The following GALNTL6 variants were observed in gnomAD, a reference collection of about 807,000 sequenced individuals.
GALNTL6 encodes the protein polypeptide N-acetylgalactosaminyltransferase-like 6.
In GALNTL6, 46 loss-of-function variants were observed where a neutral mutation model predicts 73.7. The observed-to-expected ratio is 0.62, with a 90% CI of 0.49 to 0.80. GALNTL6 has a LOEUF of 0.80. Among genes scored for constraint, GALNTL6 ranks in the 30% least tolerant of loss-of-function variants. The probability of loss-of-function intolerance (pLI) is 0.00; values close to 1 mark genes in which losing one functional copy is unlikely to be tolerated. For synonymous variants in GALNTL6, 259 were observed against 263.7 expected (o/e 0.98, Z 0.17); for missense variants, 604 against 755.0 (o/e 0.80, Z 2.34).
chr4:172,588,250 A>G (rs1277849530), intron 5 of GALNTL6, among the ~76,000 whole-genome samples: 2 of 152,134 alleles, frequency 1.3e-5, no homozygotes, highest in African/African-American at 4.8e-5. Context: ...CACTTTTACA[A>G]TTATTTTATT....
chr4:172,803,868 T>C (rs2110969206), intron 5 of GALNTL6, among the ~76,000 whole-genome samples: 2 of 152,328 alleles, frequency 1.3e-5, no homozygotes, highest in Admixed American at 1.3e-4. Context: ...GTTTCAATAA[T>C]TCTGTTCCTT....
intron 5 of GALNTL6, among the ~76,000 whole-genome samples, chr4:172,595,829 A>C (rs10006667): frequency 3.9e-4 from 60 of 152,160 alleles, no homozygotes; most frequent in African/African-American, 1.4e-3. Context: ...CTTGGGATCC[A>C]AAAAAGCCCT....
At chr4:172,277,443 T>A (rs1201127254) in intron 3 of GALNTL6, among the ~76,000 whole-genome samples, 2 of 151,976 alleles carry the variant, frequency 1.3e-5, no homozygotes, top group Non-Finnish European at 2.9e-5. Flanking sequence ...TTTTACTTAA[T>A]TTTTTCCTGA....
intron 5 of GALNTL6, among the ~76,000 whole-genome samples, chr4:172,478,177 T>C (rs338019): frequency 1 from 152,155 of 152,344 alleles, 75,983 homozygotes; most frequent in Non-Finnish European, 1. Context: ...TCCTAAAATT[T>C]ATATGGGACC....
chr4:172,677,732 A>G (rs907403927), intron 5 of GALNTL6, among the ~76,000 whole-genome samples: 10 of 152,088 alleles, frequency 6.6e-5, no homozygotes, highest in Non-Finnish European at 2.9e-5. Flanking sequence ...AGATCAGCCT[A>G]GATAGCAGAG....
chr4:172,755,976 A>G (rs896584175), intron 5 of GALNTL6, among the ~76,000 whole-genome samples: 1 of 152,224 alleles, frequency 6.6e-6, no homozygotes, highest in African/African-American at 2.4e-5. Flanking sequence ...TTTGGTACCA[A>G]CGTGAAAGCA....
intron 2 of GALNTL6, among the ~76,000 whole-genome samples, chr4:172,018,920 C>A: frequency 6.6e-6 from 1 of 152,064 alleles, no homozygotes; most frequent in African/African-American, 2.4e-5. Context: ...AAGGCTCTTC[C>A]TGCTGCTACT....
chr4:172,121,992 CT>C (rs1733163426), intron 2 of GALNTL6, among the ~76,000 whole-genome samples: 1 of 150,774 alleles, frequency 6.6e-6, no homozygotes, highest in Non-Finnish European at 1.5e-5. Context: ...TATTTTCTTA[CT>C]TTTTTTGTAT....
chr4:172,558,704 T>C (rs964478508), intron 5 of GALNTL6, among the ~76,000 whole-genome samples: 3 of 152,190 alleles, frequency 2.0e-5, no homozygotes, highest in African/African-American at 7.2e-5. Flanking sequence ...AGGGAGTATA[T>C]GCTTGTCAAA....
chr4:172,383,792 A>G (rs1315860912), intron 5 of GALNTL6, among the ~76,000 whole-genome samples: 1 of 152,058 alleles, frequency 6.6e-6, no homozygotes, highest in East Asian at 1.9e-4. Context: ...GTTCCCTTCT[A>G]TTCTTATTTT....
rs111938656 is a variant in GALNTL6 at position 172,742,823 on chromosome 4, T to C, written c.554-66538T>C. Among the ~76,000 whole-genome samples, 1,344 of 152,146 alleles carry C rather than the reference T, an allele frequency of 8.8e-3. 23 individuals are homozygous for C. The highest frequency in any genetic ancestry group is 0.031 in the African/African-American group (1,292 of 41,546). ...AAGCCTTAATACTATAGCAGTCCAC[T>C]TCTAGTTGGTGCTAATGTATTATGC... On this transcript the variant is annotated intron_variant, in intron 5 of 12. Coordinates refer to ENST00000506823, the MANE Select transcript of GALNTL6 (RefSeq NM_001034845.3).
intron 4 of GALNTL6, 39 bp downstream of exon 4, chr4:172,311,791 TG>T (rs746279656): frequency 9.5e-5 from 135 of 1,424,264 alleles, no homozygotes; most frequent in South Asian, 3.6e-4. Context: ...TGGGTTTTTT[TG>T]GTTTTTTTTG....
intron 2 of GALNTL6, among the ~76,000 whole-genome samples, chr4:172,207,359 G>A (rs1360950642): frequency 6.6e-6 from 1 of 152,136 alleles, no homozygotes; most frequent in Non-Finnish European, 1.5e-5. Flanking sequence ...ACAAAATGGG[G>A]ATGCTTTTGG....
chr4:172,241,933 C>T (rs1737447500), intron 3 of GALNTL6, among the ~76,000 whole-genome samples: 1 of 152,120 alleles, frequency 6.6e-6, no homozygotes, highest in Non-Finnish European at 1.5e-5. Flanking sequence ...TTTTTAAAAT[C>T]TTCATTCAGA....
chr4:172,351,620 T>G (rs539990575), intron 5 of GALNTL6, among the ~76,000 whole-genome samples: 1 of 152,166 alleles, frequency 6.6e-6, no homozygotes, highest in Non-Finnish European at 1.5e-5. Flanking sequence ...AAGCTATAAT[T>G]AACTTATACT....
At chr4:172,925,441 C>T (rs1748013223) in intron 8 of GALNTL6, among the ~76,000 whole-genome samples, 2 of 152,160 alleles carry the variant, frequency 1.3e-5, no homozygotes, top group Non-Finnish European at 2.9e-5. Flanking sequence ...GGTTTACTCA[C>T]ATGAGTATGT....
chr4:172,811,215 C>T (rs1357167117), intron 6 of GALNTL6, among the ~76,000 whole-genome samples: 1 of 152,118 alleles, frequency 6.6e-6, no homozygotes, highest in Admixed American at 6.6e-5. Context: ...CCCATTAAGT[C>T]TGTTTGTTTG....
At chr4:172,642,569 G>C (rs1480509641) in intron 5 of GALNTL6, among the ~76,000 whole-genome samples, 1 of 151,904 alleles carries the variant, frequency 6.6e-6, no homozygotes, top group Non-Finnish European at 1.5e-5. Context: ...ACCAGGGGTG[G>C]TGGGAGACAG....
intron 3 of GALNTL6, among the ~76,000 whole-genome samples, chr4:172,268,403 T>TGTGTGAG (rs1413341110): frequency 6.6e-6 from 1 of 152,198 alleles, no homozygotes; most frequent in Non-Finnish European, 1.5e-5. Context: ...ACAGGCCAAC[T>TGTGTGAG]GTAGCTGAGA....
Sources: allele counts gnomAD v4.1 joint callset (sites outside exome capture counted in the v4.1 genomes callset), GRCh38; gene constraint gnomAD v4.1.1; transcripts MANE v1.5; gene names NCBI Gene and HGNC (gene_info 2026-07-23, HGNC 2026-07-21).